FMNL2: variants seen among roughly 807,000 people sequenced by gnomAD.
The protein encoded by FMNL2 is formin like 2.
Under a neutral mutation model 130.2 loss-of-function variants are expected in FMNL2, and 51 were observed. That is an observed-to-expected ratio of 0.39 (90% CI 0.31 to 0.49). The LOEUF is 0.49. FMNL2 is among the 20% of genes least tolerant of loss of function. The pLI, the probability that FMNL2 is intolerant of heterozygous loss-of-function variation, is 0.85. For synonymous variants in FMNL2, 465 were observed against 467.1 expected, an observed-to-expected ratio of 1.00 and a Z score of 0.06; for missense variants, 977 against 1,316.2, an observed-to-expected ratio of 0.74 and a Z score of 3.99.
intron 1 of FMNL2, among the ~76,000 whole-genome samples, chr2:152,510,767 T>C (rs992170726): frequency 6.6e-6 from 1 of 152,184 alleles, no homozygotes; most frequent in African/African-American, 2.4e-5. Flanking sequence ...CCACTTGTCA[T>C]ACACCAGAAG....
At chr2:152,429,949 T>C (rs1288536373) in intron 1 of FMNL2, among the ~76,000 whole-genome samples, 1 of 152,232 alleles carries the variant, frequency 6.6e-6, no homozygotes, top group Non-Finnish European at 1.5e-5. Context: ...TTAAAAGATG[T>C]GGCATAGGTG....
At chr2:152,542,559 T>A (rs995238941) in intron 2 of FMNL2, among the ~76,000 whole-genome samples, 180 bp from the exon 3 acceptor site, 1 of 152,090 alleles carries the variant, frequency 6.6e-6, no homozygotes, top group Non-Finnish European at 1.5e-5. Flanking sequence ...TTTCCTCCTA[T>A]GCAAAGAGGG....
In FMNL2 at chr2:152,632,058, A is replaced by G. The variant is rs1682207500; in HGVS notation, c.2601A>G (p.Ile867Met). 3 of 1,613,330 alleles carry G rather than the reference A, an allele frequency of 1.9e-6. No individual in the cohort carries two copies. The highest frequency in any genetic ancestry group is 1.7e-5 in the Admixed American group (1 of 59,922). Residue 867 changes from isoleucine (I) to methionine (M), a missense_variant, in exon 21 of 26, where the codon ATA becomes ATG. This residue lies in a region of FMNL2 where 689 missense variants were observed against 995.9 expected (regional missense o/e 0.69). Coordinates refer to ENST00000288670, the MANE Select transcript of FMNL2 (RefSeq NM_052905.4). ...TDRKQTLLHY[I>M]SNVVKEKYHQ... The stretch of plus-strand genomic sequence containing the variant: ...GAAAGCAAACACTGTTGCACTATAT[A>G]TCCAATGTGGTGAAAGAAAAATATC...
chr2:152,540,696 T>G (rs1225254401), intron 2 of FMNL2, among the ~76,000 whole-genome samples: 27 of 54,904 alleles, frequency 4.9e-4, no homozygotes, highest in Non-Finnish European at 6.7e-4. Context: ...TGTGGTGGGG[T>G]GGGGGGAGGG....
chr2:152,497,117 A>G (rs1691558915), intron 1 of FMNL2, among the ~76,000 whole-genome samples: 1 of 152,168 alleles, frequency 6.6e-6, no homozygotes, highest in Non-Finnish European at 1.5e-5. Context: ...TTGTATCTAT[A>G]TATTAAAAAC....
chr2:152,556,428 T>C (rs1241793277), intron 4 of FMNL2, among the ~76,000 whole-genome samples: 1 of 152,198 alleles, frequency 6.6e-6, no homozygotes, highest in Non-Finnish European at 1.5e-5. Context: ...TGTTACCTTT[T>C]ACTCAGAAAA....
intron 1 of FMNL2, among the ~76,000 whole-genome samples, chr2:152,404,824 T>G (rs1377171615): frequency 1.3e-5 from 2 of 152,128 alleles, no homozygotes; most frequent in Non-Finnish European, 2.9e-5. Flanking sequence ...GCTGGTCACA[T>G]GTGGCATTTT....
At chr2:152,625,620 G>C (rs1305805417) in intron 16 of FMNL2, 58 bp downstream of exon 16, 3 of 1,542,196 alleles carry the variant, frequency 1.9e-6, no homozygotes, top group Non-Finnish European at 2.7e-6. Flanking sequence ...AGCCGGCATG[G>C]GTGTTCTGTT....
intron 1 of FMNL2, among the ~76,000 whole-genome samples, chr2:152,341,619 T>G (rs993802779): frequency 5.3e-5 from 8 of 152,198 alleles, no homozygotes; most frequent in African/African-American, 1.9e-4. Flanking sequence ...TGAATGGGAA[T>G]AAAATTTGGC....
chr2:152,435,783 G>C (rs1352657939), intron 1 of FMNL2, among the ~76,000 whole-genome samples: 1 of 152,162 alleles, frequency 6.6e-6, no homozygotes, highest in African/African-American at 2.4e-5. Flanking sequence ...TGCTAATTAT[G>C]TTCTCAGCGA....
chr2:152,472,152 T>C (rs770990407), intron 1 of FMNL2, among the ~76,000 whole-genome samples: 7 of 152,238 alleles, frequency 4.6e-5, no homozygotes, highest in Admixed American at 3.9e-4. Context: ...TACATTATAA[T>C]AGCACAGGCT....
intron 9 of FMNL2, among the ~76,000 whole-genome samples, chr2:152,589,975 A>ATATG (rs1553482677): frequency 2.5e-5 from 1 of 40,294 alleles, no homozygotes; most frequent in Non-Finnish European, 5.1e-5. Context: ...ATATATATAT[A>ATATG]TATATATATG....
At chr2:152,432,505 C>A (rs1687552062) in intron 1 of FMNL2, among the ~76,000 whole-genome samples, 1 of 152,190 alleles carries the variant, frequency 6.6e-6, no homozygotes, top group African/African-American at 2.4e-5. Flanking sequence ...TGGCTGCCTC[C>A]CGTTCCTTTC....
intron 3 of FMNL2, among the ~76,000 whole-genome samples, chr2:152,543,410 T>G (rs555692275): frequency 7.2e-5 from 11 of 152,344 alleles, no homozygotes; most frequent in African/African-American, 2.6e-4. Flanking sequence ...GTAAAGCATG[T>G]AGCCTGGCAC....
intron 1 of FMNL2, among the ~76,000 whole-genome samples, chr2:152,369,609 G>T (rs182293472): frequency 2.6e-5 from 4 of 152,200 alleles, no homozygotes. Context: ...CGTGCCGATT[G>T]TCTAGGCCAC....
At chr2:152,388,402 G>A (rs558852496) in intron 1 of FMNL2, among the ~76,000 whole-genome samples, 4 of 152,224 alleles carry the variant, frequency 2.6e-5, no homozygotes, top group South Asian at 2.1e-4. Context: ...CCTTCTTCAC[G>A]TGTCGGCAGC....
chr2:152,417,574 C>T (rs922465848), intron 1 of FMNL2, among the ~76,000 whole-genome samples: 4 of 152,100 alleles, frequency 2.6e-5, no homozygotes, highest in African/African-American at 9.7e-5. Context: ...GTGATCAGGG[C>T]CTTGAGGCTT....
intron 1 of FMNL2, among the ~76,000 whole-genome samples, chr2:152,475,509 G>GTTTT (rs1169781115): frequency 1.3e-5 from 2 of 151,776 alleles, no homozygotes; most frequent in Admixed American, 1.3e-4. Flanking sequence ...GTTTTGTTTT[G>GTTTT]TTTGAGACAG....
At chr2:152,581,434 A>G (rs1228859850) in intron 9 of FMNL2, among the ~76,000 whole-genome samples, 2 of 152,188 alleles carry the variant, frequency 1.3e-5, no homozygotes, top group African/African-American at 4.8e-5. Context: ...TTTTTGCTGG[A>G]TGCTATGAAA....
Sources: gnomAD v4.1 joint callset for allele counts (sites outside exome capture counted in the v4.1 genomes callset) on GRCh38, gnomAD v4.1.1 for gene constraint, gnomAD v4.1.1 regional missense constraint, MANE v1.5 for transcripts, NCBI Gene and HGNC (gene_info 2026-07-23, HGNC 2026-07-21) for gene names.